NBAS: variants seen among roughly 807,000 people sequenced by gnomAD.
NBAS encodes the protein NAG/BC035112 fusion.
Under a neutral mutation model 302.5 loss-of-function variants are expected in NBAS, and 219 were observed. The ratio of observed to expected loss-of-function variants is 0.72; its 90% CI spans 0.65 to 0.81. The LOEUF is 0.81. Ranked by LOEUF, NBAS falls within the 30% of genes least tolerant of loss-of-function variation. The probability of loss-of-function intolerance (pLI) is 0.00; values close to 1 mark genes in which losing one functional copy is unlikely to be tolerated. For missense variants in NBAS, 2,932 were observed against 2,841.6 expected (o/e 1.03, Z -0.72); for synonymous variants, 1,118 against 1,021.6 (o/e 1.09, Z -1.80).
chr2:15,075,217 T>C, the NBAS span, among the ~76,000 whole-genome samples: 1 of 152,194 alleles, frequency 6.6e-6, no homozygotes, highest in East Asian at 1.9e-4. Context: ...AGTATTCTTT[T>C]AAATGACAAT....
At chr2:15,024,554 C>G in the NBAS span, among the ~76,000 whole-genome samples, 1 of 152,168 alleles carries the variant, frequency 6.6e-6, no homozygotes, top group East Asian at 1.9e-4. Context: ...TTGCTTTCCA[C>G]AAAAGCTGAA....
At chr2:15,219,910 A>G (rs532288866) in intron 47 of NBAS, among the ~76,000 whole-genome samples, 103 of 134,154 alleles carry the variant, frequency 7.7e-4, no homozygotes, top group African/African-American at 2.5e-3. Flanking sequence ...GCCGGGCAGA[A>G]GCGCCCCTCA....
chr2:14,972,855 T>C, the NBAS span, among the ~76,000 whole-genome samples: 1 of 152,370 alleles, frequency 6.6e-6, no homozygotes, highest in Admixed American at 6.5e-5. Context: ...AGCCCTCGGC[T>C]GTCTCCAGGG....
At chr2:14,939,374 A>C in the NBAS span, among the ~76,000 whole-genome samples, 1 of 152,240 alleles carries the variant, frequency 6.6e-6, no homozygotes, top group African/African-American at 2.4e-5. Flanking sequence ...GCCATTCTTT[A>C]GATGATTTCA....
rs535677600 is a variant in NBAS, at chr2:15,484,770, CA to C, written c.1083+4123del. 8.3e-4 allele frequency among the ~76,000 whole-genome samples: 126 copies of C among 152,216 alleles called. 1 individual carries two copies. Among genetic ancestry groups the C allele is most frequent in the African/African-American group, 3.0e-3 (123 of 41,524 alleles). The stretch of plus-strand genomic sequence containing the variant: ...TGGAAGCCTGTGAATATCTTAAGAG[CA>C]GGGACTATGACACTGTATTCCCTAC... On this transcript the variant is annotated intron_variant, in intron 12 of 51. Transcript: ENST00000281513.
chr2:15,267,383 C>T (rs750630449), intron 44 of NBAS, among the ~76,000 whole-genome samples: 1 of 152,088 alleles, frequency 6.6e-6, no homozygotes, highest in African/African-American at 2.4e-5. Flanking sequence ...GGGCAAAATA[C>T]TTATTTTGAT....
At chr2:15,364,039 CA>C (rs1432461728) in intron 32 of NBAS, among the ~76,000 whole-genome samples, 1 of 152,146 alleles carries the variant, frequency 6.6e-6, no homozygotes, top group Non-Finnish European at 1.5e-5. Context: ...GGCCTCTTAC[CA>C]ATAGCCATAA....
chr2:15,191,669 A>T (rs1665364611), intron 48 of NBAS, among the ~76,000 whole-genome samples: 1 of 152,228 alleles, frequency 6.6e-6, no homozygotes, highest in Non-Finnish European at 1.5e-5. Flanking sequence ...TGACAGAGCC[A>T]AAATATCACT....
intron 44 of NBAS, among the ~76,000 whole-genome samples, chr2:15,272,849 G>A (rs1038495237): frequency 2.0e-5 from 3 of 152,100 alleles, no homozygotes; most frequent in East Asian, 1.9e-4. Context: ...AGGGGTTGGC[G>A]GACATCTTGA....
chr2:15,201,437 A>G (rs528829783), intron 48 of NBAS, among the ~76,000 whole-genome samples: 19 of 152,332 alleles, frequency 1.2e-4, no homozygotes, highest in African/African-American at 4.6e-4. Context: ...GATTGAATTA[A>G]TATCTCTGTG....
chr2:15,108,320 C>T, the NBAS span, among the ~76,000 whole-genome samples: 9 of 152,106 alleles, frequency 5.9e-5, no homozygotes, highest in African/African-American at 2.2e-4. Context: ...ATTATTCTTG[C>T]TTTTTGAGTA....
the NBAS span, among the ~76,000 whole-genome samples, chr2:15,035,831 G>C: frequency 6.6e-6 from 1 of 152,092 alleles, no homozygotes; most frequent in African/African-American, 2.4e-5. Context: ...ACACACTGAG[G>C]CCTGTCCGGG....
chr2:15,017,518 CA>C, the NBAS span, among the ~76,000 whole-genome samples: 5 of 149,902 alleles, frequency 3.3e-5, no homozygotes, highest in Admixed American at 1.3e-4. Context: ...AGGTGTTGCT[CA>C]AAAAAAAAGA....
intron 38 of NBAS, among the ~76,000 whole-genome samples, chr2:15,313,570 T>A (rs142714113): frequency 6.6e-6 from 1 of 152,234 alleles, no homozygotes; most frequent in African/African-American, 2.4e-5. Flanking sequence ...ATTTTAAGAA[T>A]GTGAATGAAG....
chr2:15,364,893 G>GT (rs1433007422), intron 32 of NBAS, among the ~76,000 whole-genome samples: 1 of 152,088 alleles, frequency 6.6e-6, no homozygotes, highest in African/African-American at 2.4e-5. Context: ...ATAAATGGTT[G>GT]TTTTTTAAGC....
chr2:15,082,606 TC>T, the NBAS span, among the ~76,000 whole-genome samples: 1 of 151,968 alleles, frequency 6.6e-6, no homozygotes, highest in African/African-American at 2.4e-5. Flanking sequence ...TTTACCAGAT[TC>T]CCTGAGCAAA....
At position 15,190,387 on chromosome 2, in the gene NBAS, A is replaced by G. The variant is rs1665293314; in HGVS notation, c.6449T>C (p.Ile2150Thr). 6.2e-7 allele frequency: 1 copy of G among 1,613,954 alleles called. No homozygotes were observed. The highest frequency in any genetic ancestry group is 8.5e-7 in the Non-Finnish European group (1 of 1,179,900). The change falls in exon 49 of 52, where the codon ATT becomes ACT. Residue 2150 changes from isoleucine (I) to threonine (T), a missense_variant. Coordinates refer to ENST00000281513, the MANE Select transcript of NBAS (RefSeq NM_015909.4). ...ACAGTAGCGGTTCTCTTCATTCTCA[A>G]TGTCAGCTATGTCTACCTGGAAGAA... Reference protein sequence around the residue: ...WPQRQVDIADIENEENRYCLF... With the variant: ...WPQRQVDIADTENEENRYCLF...
the NBAS span, among the ~76,000 whole-genome samples, chr2:14,912,114 A>T: frequency 2.6e-5 from 4 of 152,216 alleles, no homozygotes; most frequent in Admixed American, 2.0e-4. Flanking sequence ...TTATAACACA[A>T]TAGACAGTAT....
chr2:15,321,515 C>T (rs1671804171), intron 38 of NBAS, among the ~76,000 whole-genome samples: 1 of 152,246 alleles, frequency 6.6e-6, no homozygotes, highest in African/African-American at 2.4e-5. Context: ...GGGCTAATAT[C>T]CAGAATCTAC....
Sources: gnomAD v4.1 joint callset for allele counts (sites outside exome capture counted in the v4.1 genomes callset) on GRCh38, gnomAD v4.1.1 for gene constraint, MANE v1.5 for transcripts, NCBI Gene and HGNC (gene_info 2026-07-23, HGNC 2026-07-21) for gene names.